Variants in BMS1 observed in about 807,000 individuals in gnomAD.
BMS1 encodes BMS1 ribosome biogenesis factor, also known as ribosome biogenesis protein BMS1 homolog.
Under a neutral mutation model 138.7 loss-of-function variants are expected in BMS1, and 53 were observed. That is an observed-to-expected ratio of 0.38 (90% confidence interval 0.31 to 0.48). The LOEUF (loss-of-function observed/expected upper bound fraction) is 0.48. Ranked by LOEUF, BMS1 falls within the 20% of genes least tolerant of loss-of-function variation. The pLI is 0.97. For synonymous variants in BMS1, 504 were observed against 539.9 expected (o/e 0.93, Z 0.92); for missense variants, 1,360 against 1,565.5 (o/e 0.87, Z 2.22).
chr10:42,808,059 T>C (rs1467674283), intron 13 of BMS1, among the ~76,000 whole-genome samples: 2 of 152,156 alleles, frequency 1.3e-5, no homozygotes, highest in African/African-American at 4.8e-5. Flanking sequence ...CATTTTTTCA[T>C]GTGTTTATTT....
At chr10:42,826,843 C>G (rs1210853977) in intron 21 of BMS1, among the ~76,000 whole-genome samples, 2 of 152,132 alleles carry the variant, frequency 1.3e-5, no homozygotes, top group Non-Finnish European at 2.9e-5. Context: ...GGCACTGATT[C>G]CCTGGAAAGC....
chr10:42,796,870 T>G lies in BMS1; in HGVS notation c.1626T>G (p.Ala542=), dbSNP rs761948345. The change falls in exon 10 of 23, where the codon GCT becomes GCG. Residue 542 remains alanine (A), a synonymous_variant. Transcript: ENST00000374518. ...AGEKGISGSK[A]AGEGSKAGLS... ...AGAAGGGCATTTCAGGATCAAAGGC[T>G]GCTGGAGAAGGTAGTAAAGCAGGGC... 1 of 1,614,226 alleles carries G rather than the reference T, an allele frequency of 6.2e-7. No individual in the cohort carries two copies. The highest frequency in any genetic ancestry group is 1.1e-5 in the South Asian group (1 of 91,090).
Position 42,831,111 on chromosome 10 carries a change from G to C in BMS1, c.*15G>C, listed in dbSNP as rs1842791409. ...AATTGCAGTGAGCCTTTGGACTGGAGGGACTGTCCCTGGATCTGCGGAGGT... is the reference window on the plus strand; with the variant it reads ...AATTGCAGTGAGCCTTTGGACTGGACGGACTGTCCCTGGATCTGCGGAGGT... On this transcript the variant is annotated 3_prime_UTR_variant, in exon 23 of 23. Coordinates refer to ENST00000374518, the MANE Select transcript of BMS1 (RefSeq NM_014753.4). The C allele has an allele frequency of 3.2e-6, 5 of 1,552,654 alleles. No individual in the cohort carries two copies. In the African/African-American group the frequency reaches 6.8e-5, roughly 21 times the overall value.
intron 13 of BMS1, among the ~76,000 whole-genome samples, chr10:42,807,222 G>C (rs113773171): frequency 1.3e-5 from 2 of 152,118 alleles, no homozygotes; most frequent in Non-Finnish European, 2.9e-5. Context: ...TCCTTCCCTT[G>C]TGAACCATAA....
In BMS1 at chr10:42,823,690, G is replaced by A. The variant is rs571147275; in HGVS notation, c.3362G>A (p.Gly1121Asp). The A allele has an allele frequency of 5.7e-5, 91 of 1,596,104 alleles. No individual in the cohort carries two copies. The East Asian group carries it at 2.0e-3, about 35-fold the overall frequency. ...NPVTSLLKPV[G>D]EKDTWSGMRT... ...GTAACATCTTTGTTGAAACCAGTGG[G>A]TGAGAAAGACACCTGGTCAGGAATG... The change falls in exon 21 of 23, where the codon GGT becomes GAT. Residue 1121 changes from glycine (G) to aspartate (D), a missense_variant. Around this residue, in one of 3 missense-constraint regions of BMS1, gnomAD observed 425 missense variants for 568.3 expected, o/e 0.75. Coordinates refer to ENST00000374518, the MANE Select transcript of BMS1 (RefSeq NM_014753.4).
intron 9 of BMS1, among the ~76,000 whole-genome samples, chr10:42,795,625 A>G: frequency 6.6e-6 from 1 of 151,532 alleles, no homozygotes; most frequent in Non-Finnish European, 1.5e-5. Context: ...CTGGCCTATT[A>G]TTGCTGTATT....
At position 42,785,565 on chromosome 10, in the gene BMS1, T is replaced by A. The variant is rs201298233; in HGVS notation, c.260T>A (p.Val87Glu). The A allele has an allele frequency of 6.2e-7, 1 of 1,613,946 alleles. No homozygotes were observed. Among genetic ancestry groups the A allele is most frequent in the East Asian group, 2.2e-5 (1 of 44,880 alleles). ...GAGCCCCCACCAATAGTGGTAGTGGTGATGGGACCTCCAAAAGTTGGAAAG... is the reference window on the plus strand; with the variant it reads ...GAGCCCCCACCAATAGTGGTAGTGGAGATGGGACCTCCAAAAGTTGGAAAG... ...PLEPPPIVVV[V>E]MGPPKVGKST... Residue 87 changes from valine to glutamate, a missense_variant, in exon 3 of 23, where the codon GTG becomes GAG. Physicochemically the swap from Val to Glu is moderately radical, Grantham distance 121 (BLOSUM62 -2). This residue lies in a region of BMS1 where 238 missense variants were observed against 311.1 expected (regional missense o/e 0.77). Coordinates refer to ENST00000374518, the MANE Select transcript of BMS1 (RefSeq NM_014753.4).
rs558385203 is a variant in BMS1, at chr10:42,798,314, A to G, written c.2090-154A>G. ...CATCTGTGGCTGCCCTGCCCTCTCA[A>G]TGCCTAACTCTTATGTGGCCATTGC... On this transcript the variant is annotated intron_variant, in intron 11 of 22. Transcript: ENST00000374518. 6.6e-5 allele frequency among the ~76,000 whole-genome samples: 10 copies of G among 152,222 alleles called. No homozygotes were observed. The East Asian group carries it at 1.5e-3, about 24-fold the overall frequency.
chr10:42,802,559 C>T (rs923828860), intron 13 of BMS1, among the ~76,000 whole-genome samples: 8 of 151,532 alleles, frequency 5.3e-5, no homozygotes, highest in Non-Finnish European at 8.8e-5. Flanking sequence ...TGGAAAATTT[C>T]GAATGAAAAG....
At chr10:42,796,299 G>A (rs959923705) in intron 9 of BMS1, among the ~76,000 whole-genome samples, 175 bp from the exon 10 acceptor site, 2 of 152,110 alleles carry the variant, frequency 1.3e-5, no homozygotes, top group African/African-American at 4.8e-5. Flanking sequence ...CCATGCCCGA[G>A]TTTGCTTCTT....
intron 12 of BMS1, among the ~76,000 whole-genome samples, chr10:42,801,336 A>G (rs1841870739): frequency 6.6e-6 from 1 of 152,254 alleles, no homozygotes; most frequent in African/African-American, 2.4e-5. Flanking sequence ...CATTTGCTTT[A>G]TCCCATATTA....
At position 42,793,871 on chromosome 10, in the gene BMS1, A is replaced by G. The variant is rs1841590310; in HGVS notation, c.1109A>G (p.His370Arg). The G allele has an allele frequency of 6.2e-7, 1 of 1,611,888 alleles. No homozygotes were observed. Residue 370 changes from histidine (H) to arginine (R), a missense_variant, in exon 9 of 23, where the codon CAT (histidine) becomes CGT (arginine). Physicochemically the swap from His to Arg is conservative, Grantham distance 29 (BLOSUM62 0). This residue lies in a region of BMS1 where 697 missense variants were observed against 686.2 expected (regional missense o/e 1.02). Transcript: ENST00000374518. ...TGACAGGATGAAGTGGGGCCCACCC[A>G]TGAGCTGGTCCAGAGTCTCATCTCT... ...HVFQDEVGPT[H>R]ELVQSLISTH...
intron 13 of BMS1, among the ~76,000 whole-genome samples, chr10:42,816,090 A>G (rs1468238741): frequency 6.6e-6 from 1 of 152,148 alleles, no homozygotes; most frequent in Non-Finnish European, 1.5e-5. Context: ...TCACGAGGTC[A>G]GGAGTTCGAG....
chr10:42,790,560 A>G, intron 5 of BMS1, 49 bp downstream of exon 5: 1 of 1,594,794 alleles, frequency 6.3e-7, no homozygotes, highest in South Asian at 1.1e-5. Context: ...TCCTTTTAAA[A>G]TAGACTGAAG....
chr10:42,807,822 A>G (rs1184714013), intron 13 of BMS1, among the ~76,000 whole-genome samples: 3 of 151,690 alleles, frequency 2.0e-5, no homozygotes, highest in African/African-American at 2.4e-5. Flanking sequence ...TAAATGCCCA[A>G]TAATGCAATT....
chr10:42,793,829 C>T, intron 8 of BMS1, 23 bp from the exon 9 acceptor site: 3 of 1,597,074 alleles, frequency 1.9e-6, no homozygotes, highest in Non-Finnish European at 2.6e-6. Flanking sequence ...TCCTCACGTG[C>T]CCTTTCTTGG....
rs770552620 is a variant in BMS1 at position 42,823,729 on chromosome 10, A to C, written c.3401A>C (p.Gln1134Pro). Residue 1134 changes from glutamine to proline, a missense_variant, in exon 21 of 23, where the codon CAA becomes CCA. By Grantham distance (76) the Gln-to-Pro change is moderately conservative (BLOSUM62 -1). Around this residue, in one of 3 missense-constraint regions of BMS1, gnomAD observed 425 missense variants for 568.3 expected, o/e 0.75. Coordinates refer to ENST00000374518, the MANE Select transcript of BMS1 (RefSeq NM_014753.4). ...DTWSGMRTTG[Q>P]LRLAHGVRLK... is the part of the protein sequence containing the mutation. ...TGGTCAGGAATGCGGACCACGGGCCAACTCAGGCTCGCCCATGGCGTCAGA... is the reference window on the plus strand; with the variant it reads ...TGGTCAGGAATGCGGACCACGGGCCCACTCAGGCTCGCCCATGGCGTCAGA... 6.3e-7 allele frequency: 1 copy of C among 1,595,956 alleles called. No individual in the cohort carries two copies. The highest frequency in any genetic ancestry group is 8.5e-7 in the Non-Finnish European group (1 of 1,179,564).
chr10:42,785,780 A>G, intron 3 of BMS1, 108 bp downstream of exon 3: 1 of 1,255,614 alleles, frequency 8.0e-7, no homozygotes, highest in African/African-American at 1.5e-5. Context: ...TTGTCATATC[A>G]TGGGACTTCT....
Position 42,787,538 on chromosome 10 carries a change from A to G in BMS1, c.447+291A>G, listed in dbSNP as rs561709495. Among the ~76,000 whole-genome samples, 277 of 152,350 alleles carry G rather than the reference A, an allele frequency of 1.8e-3. 1 individual carries two copies. The highest frequency in any genetic ancestry group is 6.4e-3 in the African/African-American group (267 of 41,590). On this transcript the variant is annotated intron_variant, in intron 4 of 22. Transcript: ENST00000374518. The stretch of plus-strand genomic sequence containing the variant: ...CTAATAAGAGCTCATTAATATGTAT[A>G]CATATATACGTACAAATATATCATA...
Sources: allele counts gnomAD v4.1 joint callset (sites outside exome capture counted in the v4.1 genomes callset), GRCh38; gene constraint gnomAD v4.1.1; regional missense constraint gnomAD v4.1.1; transcripts MANE v1.5; gene names NCBI Gene and HGNC (gene_info 2026-07-23, HGNC 2026-07-21).